Variants in CFAP43 observed in about 807,000 individuals in gnomAD.
CFAP43 encodes cilia and flagella associated protein 43.
In CFAP43, 155 loss-of-function variants were observed where a neutral mutation model predicts 218.9. The ratio of observed to expected loss-of-function variants is 0.71; its 90% confidence interval spans 0.62 to 0.81. The LOEUF is 0.81. CFAP43 is among the 30% of genes least tolerant of loss of function. The pLI is 0.00. For missense variants in CFAP43, 1,778 were observed against 1,954.3 expected (o/e 0.91, Z 1.70); for synonymous variants, 645 against 681.3 (o/e 0.95, Z 0.83).
At chr10:104,170,119 C>T (rs1786223391) in intron 20 of CFAP43, among the ~76,000 whole-genome samples, 1 of 152,048 alleles carries the variant, frequency 6.6e-6, no homozygotes, top group South Asian at 2.1e-4. Flanking sequence ...TTTATGGTGC[C>T]ATCTGCTAAC....
intron 16 of CFAP43, among the ~76,000 whole-genome samples, chr10:104,183,827 G>A (rs1213402551): frequency 1.3e-5 from 2 of 152,118 alleles, no homozygotes; most frequent in African/African-American, 4.8e-5. Context: ...GTATTTGTTC[G>A]CTGGTTATAA....
intron 31 of CFAP43, among the ~76,000 whole-genome samples, chr10:104,145,141 C>T (rs766179476): frequency 1.2e-4 from 18 of 152,270 alleles, no homozygotes; most frequent in Admixed American, 6.5e-4. Flanking sequence ...TTTGTTTGAA[C>T]GCACTTTAGA....
At chr10:104,191,381 T>C (rs1297251083) in intron 12 of CFAP43, among the ~76,000 whole-genome samples, 1 of 152,172 alleles carries the variant, frequency 6.6e-6, no homozygotes, top group Non-Finnish European at 1.5e-5. Context: ...GGTTATTATT[T>C]TGAGCAGGAA....
intron 28 of CFAP43, among the ~76,000 whole-genome samples, chr10:104,148,239 T>G (rs1203103230): frequency 6.6e-6 from 1 of 152,190 alleles, no homozygotes; most frequent in African/African-American, 2.4e-5. Context: ...GAATATATAA[T>G]TTAATGGGTT....
chr10:104,141,165 C>G (rs963595396), intron 33 of CFAP43, among the ~76,000 whole-genome samples, 164 bp from the exon 34 acceptor site: 1 of 152,174 alleles, frequency 6.6e-6, no homozygotes, highest in African/African-American at 2.4e-5. Flanking sequence ...TCTGAAACCT[C>G]TTCCTATTGA....
intron 5 of CFAP43, 118 bp from the exon 6 acceptor site, chr10:104,207,942 C>T: frequency 1.1e-6 from 1 of 951,582 alleles, no homozygotes; most frequent in Non-Finnish European, 1.5e-6. Flanking sequence ...ACGCAGAAAA[C>T]ATAGGAACAT....
At chr10:104,158,606 C>T (rs1411077311) in intron 27 of CFAP43, among the ~76,000 whole-genome samples, 3 of 152,054 alleles carry the variant, frequency 2.0e-5, no homozygotes, top group African/African-American at 7.2e-5. Context: ...ACATTACAAA[C>T]TAAGTGAAAT....
intron 12 of CFAP43, among the ~76,000 whole-genome samples, chr10:104,190,758 C>T (rs10883978): frequency 0.051 from 7,709 of 152,260 alleles, 245 homozygotes; most frequent in South Asian, 0.13. Flanking sequence ...TTCCATCACT[C>T]GTGGTTGTGC....
At chr10:104,217,761 T>C (rs1039544545) in intron 3 of CFAP43, among the ~76,000 whole-genome samples, 3 of 152,222 alleles carry the variant, frequency 2.0e-5, no homozygotes, top group Admixed American at 1.3e-4. Context: ...ATCATACAGA[T>C]GCTGAGGCAC....
At chr10:104,217,967 A>G (rs989213712) in intron 3 of CFAP43, among the ~76,000 whole-genome samples, 15 of 152,260 alleles carry the variant, frequency 9.9e-5, no homozygotes, top group Admixed American at 3.9e-4. Context: ...AAATGTTGCT[A>G]TGACAAGCAA....
chr10:104,205,292 G>GAGTTCTA (rs2090655508), intron 7 of CFAP43, among the ~76,000 whole-genome samples: 2 of 151,364 alleles, frequency 1.3e-5, no homozygotes, highest in African/African-American at 4.9e-5. Flanking sequence ...TACTGAGGCT[G>GAGTTCTA]AGTTCTAATA....
chr10:104,209,516 AAAT>A (rs1209854939), intron 5 of CFAP43, among the ~76,000 whole-genome samples: 4 of 152,234 alleles, frequency 2.6e-5, no homozygotes, highest in African/African-American at 7.2e-5. Context: ...GAGCATTTTA[AAAT>A]AATAACTCCA....
intron 2 of CFAP43, among the ~76,000 whole-genome samples, chr10:104,227,949 C>T (rs1457594794): frequency 1.4e-5 from 2 of 143,282 alleles, no homozygotes; most frequent in African/African-American, 5.3e-5. Flanking sequence ...CGGGTTCAAG[C>T]GATTCTGCAT....
chr10:104,164,435 T>C, intron 23 of CFAP43, 135 bp from the exon 24 acceptor site: 1 of 676,510 alleles, frequency 1.5e-6, no homozygotes, highest in South Asian at 2.0e-5. Context: ...TCTCGCTTTG[T>C]TGTCCAGGCT....
At chr10:104,179,680 T>C (rs1406460514) in intron 18 of CFAP43, among the ~76,000 whole-genome samples, 160 bp downstream of exon 18, 1 of 152,214 alleles carries the variant, frequency 6.6e-6, no homozygotes, top group Non-Finnish European at 1.5e-5. Flanking sequence ...GTTTAGGGTG[T>C]TTATTTGCTT....
At chr10:104,172,307 A>T in intron 20 of CFAP43, 103 bp downstream of exon 20, 7 of 1,374,868 alleles carry the variant, frequency 5.1e-6, no homozygotes, top group South Asian at 1.3e-5. Flanking sequence ...ATACTGAAAA[A>T]GGTTTTGTCA....
At chr10:104,229,496 A>C (rs2091390938) in intron 2 of CFAP43, among the ~76,000 whole-genome samples, 1 of 141,410 alleles carries the variant, frequency 7.1e-6, no homozygotes, top group Non-Finnish European at 1.5e-5. Context: ...TCTGCCAAAA[A>C]CATAAAAAAA....
intron 12 of CFAP43, among the ~76,000 whole-genome samples, chr10:104,191,169 T>A (rs1159050792): frequency 1.3e-5 from 2 of 152,198 alleles, no homozygotes; most frequent in Admixed American, 6.5e-5. Flanking sequence ...AGAGTCAGTC[T>A]CTAAAAACGA....
intron 4 of CFAP43, 43 bp downstream of exon 4, chr10:104,214,212 GCAAA>G (rs1174755333): frequency 6.6e-7 from 1 of 1,509,972 alleles, no homozygotes; most frequent in African/African-American, 1.4e-5. Context: ...TTACACGAAT[GCAAA>G]CAAAGACCAC....
Sources: allele counts gnomAD v4.1 joint callset (sites outside exome capture counted in the v4.1 genomes callset), GRCh38; gene constraint gnomAD v4.1.1; transcripts MANE v1.5; gene names NCBI Gene and HGNC (gene_info 2026-07-23, HGNC 2026-07-21).